ESR1: variants seen among roughly 807,000 people sequenced by gnomAD.
The protein encoded by ESR1 is estrogen receptor 1, also known as estrogen receptor.
A neutral mutation model predicts 52.7 loss-of-function variants in ESR1; 12 were observed. The observed-to-expected ratio is 0.23, with a 90% CI of 0.15 to 0.37. The LOEUF (loss-of-function observed/expected upper bound fraction) is 0.37, where lower values mean the gene tolerates loss of function less well. Among genes scored for constraint, ESR1 ranks in the 10% least tolerant of loss-of-function variants. ESR1 has a pLI of 1.00. For missense variants in ESR1, 584 were observed against 779.7 expected (o/e 0.75, Z 2.99); for synonymous variants, 305 against 316.8 (o/e 0.96, Z 0.39).
chr6:151,694,623 C>G (rs900872227), intron 1 of ESR1, among the ~76,000 whole-genome samples: 2 of 152,002 alleles, frequency 1.3e-5, no homozygotes, highest in African/African-American at 4.8e-5. Context: ...CCCGTCTCCA[C>G]TAAAAATACA....
chr6:151,945,706 C>T (rs2128535997), intron 4 of ESR1, among the ~76,000 whole-genome samples: 1 of 152,282 alleles, frequency 6.6e-6, no homozygotes. Context: ...TCCTATGAAG[C>T]ATGAAATGTT....
intron 5 of ESR1, among the ~76,000 whole-genome samples, chr6:152,055,761 C>G (rs2047050359): frequency 1.3e-5 from 2 of 152,226 alleles, no homozygotes; most frequent in Admixed American, 6.5e-5. Flanking sequence ...TGTAGCCTAC[C>G]TGCCAAGTTC....
At chr6:152,046,457 T>C (rs1013099743) in intron 5 of ESR1, among the ~76,000 whole-genome samples, 6 of 152,212 alleles carry the variant, frequency 3.9e-5, no homozygotes, top group African/African-American at 1.2e-4. Flanking sequence ...TCAGTACTTA[T>C]ATGCAAGAGC....
intron 5 of ESR1, among the ~76,000 whole-genome samples, chr6:152,046,619 G>T (rs1228083928): frequency 6.6e-6 from 1 of 152,098 alleles, no homozygotes; most frequent in Non-Finnish European, 1.5e-5. Context: ...AGTAAAAGAA[G>T]ACAAAATAAG....
chr6:152,068,993 A>C lies in ESR1; in HGVS notation c.1369+7869A>C, dbSNP rs563863043. On this transcript the variant is annotated intron_variant, in intron 6 of 7. Transcript: ENST00000206249. ...TAAGTATTGAGTGCTGCAGAGACCC[A>C]GCAAAGGAGTCCTTAGCTGAGAACT... Among the ~76,000 whole-genome samples, 2 of 137,562 alleles carry C rather than the reference A, an allele frequency of 1.5e-5. 1 individual carries two copies. Among genetic ancestry groups the C allele is most frequent in the Non-Finnish European group, 3.0e-5 (2 of 66,768 alleles). 90.2% of individuals were successfully genotyped at this position (137,562 alleles called of 152,430 possible).
intron 2 of ESR1, among the ~76,000 whole-genome samples, chr6:151,852,780 CAG>C (rs1167284976): frequency 2.0e-5 from 3 of 151,778 alleles, no homozygotes; most frequent in Non-Finnish European, 4.4e-5. Context: ...TACTGTGCAA[CAG>C]AAATGACTAT....
At chr6:151,802,514 G>T (rs2128143946), upstream of ESR1, among the ~76,000 whole-genome samples, 1 of 152,190 alleles carries the variant, frequency 6.6e-6, no homozygotes, top group Admixed American at 6.5e-5. Context: ...GCTTTTAATG[G>T]AGCTAGAGAA....
At chr6:151,815,557 C>A (rs945633935) in intron 1 of ESR1, among the ~76,000 whole-genome samples, 1 of 152,156 alleles carries the variant, frequency 6.6e-6, no homozygotes, top group African/African-American at 2.4e-5. Flanking sequence ...GGAAGGGATC[C>A]TTAGATGCCA....
chr6:151,875,147 T>C (rs985592969), intron 2 of ESR1, among the ~76,000 whole-genome samples: 1 of 152,212 alleles, frequency 6.6e-6, no homozygotes, highest in Non-Finnish European at 1.5e-5. Flanking sequence ...TCATGAGCAA[T>C]GCGTGGCTTC....
At position 152,099,131 on chromosome 6, in the gene ESR1, C is replaced by T. The variant is rs576816551; in HGVS notation, c.*165C>T. The T allele has an allele frequency of 1.5e-6, 1 of 656,738 alleles. No homozygotes were observed. The highest frequency in any genetic ancestry group is 1.8e-5 in the African/African-American group (1 of 56,432). 40.7% of individuals were successfully genotyped at this position (656,738 alleles called of 1,614,324 possible). A position where few individuals can be genotyped will look rare whatever the true frequency, so the allele number is the denominator to read the frequency against. On this transcript the variant is annotated 3_prime_UTR_variant, in exon 8 of 8. Coordinates refer to ENST00000206249, the MANE Select transcript of ESR1 (RefSeq NM_000125.4). ...CATTTGCTTGCTCAGTTCTTAGTGG[C>T]ACATCTTCTGTCTTCTGTTGGGAAC...
At chr6:152,008,370 C>T (rs996061645) in intron 4 of ESR1, among the ~76,000 whole-genome samples, 7 of 152,034 alleles carry the variant, frequency 4.6e-5, no homozygotes, top group Admixed American at 6.6e-5. Context: ...AACATTTCAA[C>T]GGAAGGATCG....
chr6:151,963,944 T>C (rs2037959640), intron 4 of ESR1, among the ~76,000 whole-genome samples: 1 of 152,248 alleles, frequency 6.6e-6, no homozygotes, highest in Non-Finnish European at 1.5e-5. Context: ...CCCTATTGTG[T>C]ATTCTTGGCA....
At chr6:151,712,679 A>G (rs1004521669) in intron 2 of ESR1, among the ~76,000 whole-genome samples, 1 of 152,200 alleles carries the variant, frequency 6.6e-6, no homozygotes, top group Non-Finnish European at 1.5e-5. Flanking sequence ...ATTTTTGCAC[A>G]TTGATTTTGT....
At chr6:151,961,903 A>C (rs1325678664) in intron 4 of ESR1, among the ~76,000 whole-genome samples, 2 of 152,148 alleles carry the variant, frequency 1.3e-5, no homozygotes, top group African/African-American at 4.8e-5. Context: ...GATTGTCAGC[A>C]TGGGCGGCTG....
intron 2 of ESR1, among the ~76,000 whole-genome samples, chr6:151,855,891 A>G (rs182119754): frequency 7.6e-4 from 116 of 152,294 alleles, no homozygotes; most frequent in African/African-American, 2.5e-3. Context: ...ACTTAATTGT[A>G]AGTGGCCTGT....
At position 152,101,988 on chromosome 6, in the gene ESR1, T is replaced by C. The variant is rs1172044340; in HGVS notation, c.*3022T>C. 4.7e-6 allele frequency: 1 copy of C among 214,386 alleles called. No homozygotes were observed. The highest frequency in any genetic ancestry group is 5.9e-5 in the Admixed American group (1 of 17,076). 13.3% of individuals were successfully genotyped at this position (214,386 alleles called of 1,614,324 possible). A position where few individuals can be genotyped will look rare whatever the true frequency, so the allele number is the denominator to read the frequency against. ...TAGTGGTCTGTGTTTCTTTTCGCCA[T>C]TGCCTAGCTTGCCGTAATGATTCTA... On this transcript the variant is annotated 3_prime_UTR_variant, in exon 8 of 8. Transcript: ENST00000206249.
chr6:151,882,739 C>T (rs1793153171), intron 3 of ESR1, among the ~76,000 whole-genome samples: 1 of 151,636 alleles, frequency 6.6e-6, no homozygotes, highest in African/African-American at 2.4e-5. Context: ...ATGCATTGAC[C>T]CCATTTCATA....
At chr6:151,930,092 T>G (rs2033369934) in intron 3 of ESR1, among the ~76,000 whole-genome samples, 1 of 152,040 alleles carries the variant, frequency 6.6e-6, no homozygotes, top group South Asian at 2.1e-4. Flanking sequence ...CAAGCGATTC[T>G]CCTGCCTCAG....
At chr6:151,832,687 G>A (rs1330031797) in intron 1 of ESR1, among the ~76,000 whole-genome samples, 6 of 152,168 alleles carry the variant, frequency 3.9e-5, no homozygotes, top group Non-Finnish European at 1.5e-5. Flanking sequence ...TAATTTATTC[G>A]GTAAGTATTT....
Sources: gnomAD v4.1 joint callset for allele counts (sites outside exome capture counted in the v4.1 genomes callset) on GRCh38, gnomAD v4.1.1 for gene constraint, MANE v1.5 for transcripts, NCBI Gene and HGNC (gene_info 2026-07-23, HGNC 2026-07-21) for gene names.